Variants in ROBO1 observed in about 807,000 individuals in gnomAD.
ROBO1 encodes the protein roundabout homolog 1.
Under a neutral mutation model 195.9 loss-of-function variants are expected in ROBO1, and 149 were observed. The ratio of observed to expected loss-of-function variants is 0.76; its 90% CI spans 0.67 to 0.87. The LOEUF is 0.87. Among genes scored for constraint, ROBO1 ranks in the 40% least tolerant of loss-of-function variants. ROBO1 has a pLI of 0.00. For synonymous variants in ROBO1, 816 were observed against 733.2 expected (o/e 1.11, Z -1.82); for missense variants, 1,933 against 2,068.3 (o/e 0.93, Z 1.27).
chr3:78,836,309 G>C (rs975184952), intron 4 of ROBO1, among the ~76,000 whole-genome samples: 3 of 151,926 alleles, frequency 2.0e-5, no homozygotes, highest in Non-Finnish European at 4.4e-5. Flanking sequence ...TCAGGAGATA[G>C]AGACCATCCT....
chr3:79,018,156 G>A (rs1201142211), intron 3 of ROBO1, among the ~76,000 whole-genome samples: 1 of 151,742 alleles, frequency 6.6e-6, no homozygotes, highest in Non-Finnish European at 1.5e-5. Flanking sequence ...CCCTGAACTT[G>A]GCAAAAGGCC....
chr3:79,484,335 C>A (rs1022910864), intron 2 of ROBO1, among the ~76,000 whole-genome samples: 4 of 152,038 alleles, frequency 2.6e-5, no homozygotes, highest in African/African-American at 7.2e-5. Context: ...CAGAACCCTG[C>A]GGAAAAATTC....
At chr3:79,495,572 A>G (rs889235107) in intron 2 of ROBO1, among the ~76,000 whole-genome samples, 1 of 152,170 alleles carries the variant, frequency 6.6e-6, no homozygotes, top group Non-Finnish European at 1.5e-5. Context: ...TATAAAACTA[A>G]TATAATTAAG....
At chr3:79,371,594 CA>C (rs112369486) in intron 2 of ROBO1, among the ~76,000 whole-genome samples, 47 of 146,868 alleles carry the variant, frequency 3.2e-4, no homozygotes, top group African/African-American at 9.5e-4. Flanking sequence ...TGTAAACATG[CA>C]AAAAAAAATG....
chr3:79,221,941 A>T (rs1393715127), intron 2 of ROBO1, among the ~76,000 whole-genome samples: 2 of 152,134 alleles, frequency 1.3e-5, no homozygotes, highest in Non-Finnish European at 2.9e-5. Flanking sequence ...AGTTTTACAT[A>T]TTAATTCTAG....
At chr3:79,517,303 T>A (rs6548626) in intron 2 of ROBO1, among the ~76,000 whole-genome samples, 1 of 151,968 alleles carries the variant, frequency 6.6e-6, no homozygotes, top group African/African-American at 2.4e-5. Context: ...GCTTCTTGTC[T>A]GTATCTAACT....
intron 2 of ROBO1, among the ~76,000 whole-genome samples, chr3:79,355,749 T>C (rs1577015137): frequency 6.6e-6 from 1 of 152,346 alleles, no homozygotes; most frequent in African/African-American, 2.4e-5. Flanking sequence ...TTTATTCTTT[T>C]TATGACTGAA....
chr3:79,291,465 C>T (rs1266581930), intron 2 of ROBO1, among the ~76,000 whole-genome samples: 1 of 152,244 alleles, frequency 6.6e-6, no homozygotes, highest in Middle Eastern at 3.4e-3. Context: ...TAAGCCCATA[C>T]CTTTTATTAT....
intron 3 of ROBO1, among the ~76,000 whole-genome samples, chr3:79,080,796 C>T (rs1442621183): frequency 6.6e-6 from 1 of 152,026 alleles, no homozygotes; most frequent in Non-Finnish European, 1.5e-5. Flanking sequence ...TCCAGTATCT[C>T]CCCAGTTGGA....
intron 4 of ROBO1, among the ~76,000 whole-genome samples, chr3:78,803,990 T>C (rs2084450799): frequency 6.6e-6 from 1 of 152,186 alleles, no homozygotes; most frequent in Admixed American, 6.5e-5. Context: ...CATATGCACC[T>C]AGACCATGTG....
intron 2 of ROBO1, among the ~76,000 whole-genome samples, chr3:79,446,623 C>T (rs1004197418): frequency 1.3e-5 from 2 of 152,066 alleles, no homozygotes; most frequent in Non-Finnish European, 2.9e-5. Context: ...ACATCTTGTT[C>T]TTGATGTGCA....
chr3:79,211,036 ATCTT>A (rs1201171249), intron 2 of ROBO1, among the ~76,000 whole-genome samples: 1 of 152,202 alleles, frequency 6.6e-6, no homozygotes, highest in African/African-American at 2.4e-5. Context: ...TAATAGGAAA[ATCTT>A]TATAAGAGAA....
chr3:79,394,138 G>GA lies in ROBO1; in HGVS notation c.88+195685dup, dbSNP rs200406852. Among the ~76,000 whole-genome samples, 431 of 146,598 alleles carry GA rather than the reference G, an allele frequency of 2.9e-3. 1 individual carries two copies. The highest frequency in any genetic ancestry group is 5.4e-3 in the Admixed American group (80 of 14,728). ...CTTTGGTATAGAATCCAGCATAAAA[G>GA]AAAAAAAAAGATTTTGAAAAAAAAA... On this transcript the variant is annotated intron_variant, in intron 2 of 30. Coordinates refer to ENST00000464233, the MANE Select transcript of ROBO1 (RefSeq NM_002941.4).
At chr3:79,102,862 G>C (rs558132802) in intron 3 of ROBO1, among the ~76,000 whole-genome samples, 16 of 151,776 alleles carry the variant, frequency 1.1e-4, no homozygotes, top group African/African-American at 3.4e-4. Context: ...TTTCTTTCAA[G>C]GAGCTTTTTA....
At chr3:79,569,697 ATATG>A (rs900125267) in intron 2 of ROBO1, among the ~76,000 whole-genome samples, 3 of 151,360 alleles carry the variant, frequency 2.0e-5, no homozygotes, top group African/African-American at 4.9e-5. Flanking sequence ...GTGTATATAT[ATATG>A]TGTGTGTGTA....
At chr3:79,505,216 T>TA (rs1491192709) in intron 2 of ROBO1, among the ~76,000 whole-genome samples, 3 of 69,428 alleles carry the variant, frequency 4.3e-5, no homozygotes, top group Admixed American at 1.6e-4. Context: ...TTTCTATATA[T>TA]TTTTTTTTTC....
At chr3:78,612,296 C>T (rs59263017) in intron 28 of ROBO1, among the ~76,000 whole-genome samples, 4,462 of 152,190 alleles carry the variant, frequency 0.029, 217 homozygotes, top group African/African-American at 0.098. Flanking sequence ...CCCACAAAAT[C>T]CTTCATGTCT....
intron 4 of ROBO1, among the ~76,000 whole-genome samples, chr3:78,925,038 TGCCTTTTAATTGAGTTTCAA>T (rs1276027980): frequency 1.8e-4 from 27 of 152,200 alleles, no homozygotes; most frequent in Admixed American, 1.7e-3. Context: ...TATGTTGTCA[TGCCTTTTAATTGAGTTTCAA>T]GCGGTACATG....
chr3:79,443,600 C>T (rs2039133933), intron 2 of ROBO1, among the ~76,000 whole-genome samples: 1 of 151,972 alleles, frequency 6.6e-6, no homozygotes, highest in Non-Finnish European at 1.5e-5. Context: ...ACAAATATTA[C>T]AATGATATCT....
Sources: allele counts gnomAD v4.1 joint callset (sites outside exome capture counted in the v4.1 genomes callset), GRCh38; gene constraint gnomAD v4.1.1; transcripts MANE v1.5; gene names NCBI Gene and HGNC (gene_info 2026-07-23, HGNC 2026-07-21).